Variants in RYR1 observed in about 807,000 individuals in gnomAD.
RYR1 encodes ryanodine receptor 1.
In RYR1, 342 loss-of-function variants were observed where a neutral mutation model predicts 583.5. The observed-to-expected ratio is 0.59, with a 90% CI of 0.54 to 0.64. The LOEUF (loss-of-function observed/expected upper bound fraction) is 0.64, where lower values mean the gene tolerates loss of function less well. RYR1 is among the 30% of genes least tolerant of loss of function. The pLI, the probability that RYR1 is intolerant of heterozygous loss-of-function variation, is 0.00. For missense variants in RYR1, 6,032 were observed against 6,917.2 expected, an observed-to-expected ratio of 0.87 and a Z score of 4.54; for synonymous variants, 2,791 against 2,822.5, an observed-to-expected ratio of 0.99 and a Z score of 0.35.
At chr19:38,569,903 C>T (rs556593108) in intron 93 of RYR1, among the ~76,000 whole-genome samples, 1 of 152,312 alleles carries the variant, frequency 6.6e-6, no homozygotes, top group East Asian at 1.9e-4. Context: ...GTGGCTCACA[C>T]CTATAATCCT....
chr19:38,524,714 C>T (rs1971392436), intron 70 of RYR1, among the ~76,000 whole-genome samples: 1 of 152,220 alleles, frequency 6.6e-6, no homozygotes, highest in Non-Finnish European at 1.5e-5. Context: ...TTCCTGTCTC[C>T]TTGTCTTTTT....
intron 25 of RYR1, 49 bp from the exon 26 acceptor site, chr19:38,468,917 T>G (rs1336321964): frequency 2.2e-5 from 35 of 1,595,680 alleles, no homozygotes; most frequent in Non-Finnish European, 2.7e-5. Context: ...TATCTCTCCA[T>G]TTCTCTGTGT....
intron 24 of RYR1, 66 bp downstream of exon 24, chr19:38,466,464 G>T: frequency 2.2e-6 from 3 of 1,340,580 alleles, no homozygotes; most frequent in Non-Finnish European, 3.1e-6. Flanking sequence ...CCCGATCCCT[G>T]ATCTCTGACC....
chr19:38,507,165 C>T (rs1970498456), intron 57 of RYR1, among the ~76,000 whole-genome samples: 1 of 137,700 alleles, frequency 7.3e-6, no homozygotes. Context: ...TAAGCACAGG[C>T]GGGACCAGAG....
intron 89 of RYR1, among the ~76,000 whole-genome samples, chr19:38,551,104 A>G (rs1442292600): frequency 2.5e-5 from 3 of 120,248 alleles, no homozygotes; most frequent in African/African-American, 6.5e-5. Flanking sequence ...CTGGAGTGCA[A>G]TGGTATGATC....
intron 99 of RYR1, among the ~76,000 whole-genome samples, chr19:38,578,955 T>C (rs1974078633): frequency 6.6e-6 from 1 of 151,284 alleles, no homozygotes; most frequent in African/African-American, 2.4e-5. Context: ...ACCCTGTCTC[T>C]ACAAACAATA....
chr19:38,459,320 G>T lies in RYR1; in HGVS notation c.2342G>T (p.Ser781Ile). Residue 781 changes from serine to isoleucine, a missense_variant, in exon 19 of 106, where the codon AGC becomes ATC. Ser to Ile is a moderately radical substitution (Grantham distance 142). Transcript: ENST00000359596. ...NLDGLFFPVVSFSAGVKVRFL... is the reference protein window; with the variant it reads ...NLDGLFFPVVIFSAGVKVRFL... ...GACGGGCTCTTCTTCCCTGTTGTCA[G>T]CTTCTCGGCTGGTGTCAAGTGAGAA... 1 of 1,614,058 alleles carries T rather than the reference G, an allele frequency of 6.2e-7. No homozygotes were observed. The highest frequency in any genetic ancestry group is 8.5e-7 in the Non-Finnish European group (1 of 1,180,016).
chr19:38,527,115 G>A (rs1210301099), intron 72 of RYR1, 63 bp downstream of exon 72: 2 of 1,570,584 alleles, frequency 1.3e-6, no homozygotes, highest in Non-Finnish European at 8.7e-7. Context: ...TATTAGTGAA[G>A]GTTTGAGCAT....
chr19:38,492,661 A>C, intron 38 of RYR1, 25 bp downstream of exon 38: 191 of 876,554 alleles, frequency 2.2e-4, no homozygotes, highest in Non-Finnish European at 3.0e-4. Context: ...CACTGGGGAG[A>C]GGGCAGGGGT....
At position 38,455,318 on chromosome 19, in the gene RYR1, GGAGGCAGCC is replaced by G; in HGVS notation, c.1528_1536del (p.Ala510_Glu512del). On this transcript the variant is annotated inframe_deletion, in exon 14 of 106. Transcript: ENST00000359596. ...CCCACTTTGCTGAGTTTGCAGGGGA[GGAGGCAGCC>G]GAGTCCTGGAAAGAGATTGTGAATC... 1 of 1,614,112 alleles carries G rather than the reference GGAGGCAGCC, an allele frequency of 6.2e-7. No homozygotes were observed. The highest frequency in any genetic ancestry group is 8.5e-7 in the Non-Finnish European group (1 of 1,180,024).
chr19:38,502,280 T>C (rs1970157660), intron 47 of RYR1, among the ~76,000 whole-genome samples: 1 of 151,172 alleles, frequency 6.6e-6, no homozygotes, highest in Non-Finnish European at 1.5e-5. Flanking sequence ...ATCGACCAGT[T>C]GTGTGTGTTT....
intron 93 of RYR1, among the ~76,000 whole-genome samples, chr19:38,569,160 G>A (rs924699913): frequency 1.1e-4 from 17 of 152,008 alleles, no homozygotes; most frequent in East Asian, 1.9e-4. Context: ...ACAGGCGCCC[G>A]CCGCCACGCC....
At chr19:38,466,440 A>G in intron 24 of RYR1, 42 bp downstream of exon 24, 5 of 1,517,130 alleles carry the variant, frequency 3.3e-6, no homozygotes, top group South Asian at 1.2e-5. Flanking sequence ...TCCTACCCCA[A>G]CTCTGACCCC....
chr19:38,538,012 C>G, intron 84 of RYR1, 52 bp downstream of exon 84: 3 of 1,565,398 alleles, frequency 1.9e-6, no homozygotes, highest in East Asian at 2.2e-5. Context: ...GGGGCTGGTA[C>G]GGAAGGGTTG....
intron 89 of RYR1, among the ~76,000 whole-genome samples, chr19:38,549,404 C>A (rs1972566911): frequency 6.6e-6 from 1 of 152,076 alleles, no homozygotes; most frequent in Non-Finnish European, 1.5e-5. Context: ...TCAGCCTGGG[C>A]AACCTAGTGA....
At chr19:38,453,093 G>T (rs1350435011) in intron 13 of RYR1, 79 bp downstream of exon 13, 2 of 1,463,450 alleles carry the variant, frequency 1.4e-6, no homozygotes, top group Non-Finnish European at 1.9e-6. Context: ...ACGGCGCTGG[G>T]CGGGGCAGGG....
intron 42 of RYR1, among the ~76,000 whole-genome samples, chr19:38,498,186 A>G (rs1969933084): frequency 6.6e-6 from 1 of 152,186 alleles, no homozygotes; most frequent in South Asian, 2.1e-4. Context: ...GGGTGAGGGC[A>G]GGAGGTGACA....
chr19:38,558,944 G>A (rs1388341309), intron 89 of RYR1, among the ~76,000 whole-genome samples: 1 of 151,926 alleles, frequency 6.6e-6, no homozygotes, highest in Non-Finnish European at 1.5e-5. Context: ...TACAGAATTA[G>A]CCAGTGTGGT....
intron 76 of RYR1, among the ~76,000 whole-genome samples, chr19:38,529,682 A>G (rs779687269): frequency 6.6e-6 from 1 of 152,204 alleles, no homozygotes; most frequent in Non-Finnish European, 1.5e-5. Flanking sequence ...ATGTATGACA[A>G]ATTTCCAACA....
Sources: gnomAD v4.1 joint callset for allele counts (sites outside exome capture counted in the v4.1 genomes callset) on GRCh38, gnomAD v4.1.1 for gene constraint, MANE v1.5 for transcripts, NCBI Gene and HGNC (gene_info 2026-07-23, HGNC 2026-07-21) for gene names.